MYH4: variants seen among roughly 807,000 people sequenced by gnomAD.
The protein encoded by MYH4 is myosin-4.
In MYH4, 200 loss-of-function variants were observed where a neutral mutation model predicts 229.9. The observed-to-expected ratio is 0.87, with a 90% CI of 0.78 to 0.98. MYH4 has a LOEUF of 0.98. Ranked by LOEUF, MYH4 falls within the 50% of genes least tolerant of loss-of-function variation. MYH4 has a pLI of 0.00. For missense variants in MYH4, 2,148 were observed against 2,332.6 expected (o/e 0.92, Z 1.63); for synonymous variants, 761 against 834.6 (o/e 0.91, Z 1.52).
chr17:10,455,471 T>A, intron 19 of MYH4, 143 bp downstream of exon 19: 1 of 1,325,120 alleles, frequency 7.5e-7, no homozygotes, highest in Non-Finnish European at 1.0e-6. Flanking sequence ...CTTATGATAA[T>A]ATAAACCTAA....
At chr17:10,452,632 T>A in intron 25 of MYH4, 126 bp from the exon 26 acceptor site, 1 of 1,214,536 alleles carries the variant, frequency 8.2e-7, no homozygotes, top group Non-Finnish European at 1.1e-6. Flanking sequence ...TTTTACAGAT[T>A]AATAATTGTA....
chr17:10,446,301 C>T (rs1350885603), intron 35 of MYH4, among the ~76,000 whole-genome samples: 2 of 151,828 alleles, frequency 1.3e-5, no homozygotes, highest in East Asian at 3.8e-4. Flanking sequence ...AATTAGCAGA[C>T]AAGAAACAAA....
chr17:10,446,004 G>T (rs2142208816), intron 35 of MYH4, among the ~76,000 whole-genome samples: 1 of 135,356 alleles, frequency 7.4e-6, no homozygotes, highest in East Asian at 2.7e-4. Context: ...CTCCAGCCTG[G>T]GTGACAGAGT....
At position 10,455,623 on chromosome 17, in the gene MYH4, A is replaced by T. The variant is rs1465750992; in HGVS notation, c.2165T>A (p.Phe722Tyr). The change falls in exon 19 of 40, where the codon TTC (phenylalanine) becomes TAC (tyrosine). Residue 722 changes from phenylalanine (F) to tyrosine (Y), a missense_variant. Transcript: ENST00000255381. The stretch of plus-strand genomic sequence containing the variant: ...ATAATGAGACACAAACCTCTGTTTG[A>T]AGTCTGCATAAAGGATTCTGCTTGG... Reference protein sequence around the residue: ...GFPSRILYADFKQRYKVLNAS... With the variant: ...GFPSRILYADYKQRYKVLNAS... 6.2e-7 allele frequency: 1 copy of T among 1,614,028 alleles called. No individual in the cohort carries two copies. The highest frequency in any genetic ancestry group is 8.5e-7 in the Non-Finnish European group (1 of 1,179,876).
intron 34 of MYH4, 141 bp from the exon 35 acceptor site, chr17:10,447,357 C>A (rs2072523473): frequency 4.4e-6 from 3 of 676,942 alleles, no homozygotes; most frequent in Admixed American, 3.0e-5. Context: ...ATAATAAATT[C>A]TTTGTAGCTG....
intron 17 of MYH4, among the ~76,000 whole-genome samples, 178 bp from the exon 18 acceptor site, chr17:10,456,079 A>T (rs2072635592): frequency 6.6e-6 from 1 of 152,344 alleles, no homozygotes; most frequent in South Asian, 2.1e-4. Flanking sequence ...ATTACACAAA[A>T]TCAGTTAATT....
Position 10,448,489 on chromosome 17 carries a change from T to G in MYH4, c.4563A>C (p.Ala1521=), listed in dbSNP as rs1368813208. Residue 1521 remains alanine, a synonymous_variant, in exon 33 of 40, where the codon GCA becomes GCC. Coordinates refer to ENST00000255381, the MANE Select transcript of MYH4 (RefSeq NM_017533.2). ...GTTCATGGATATGCTTTCCACCCTC[T>G]GCAATTTGCTCTGTCAGGTCAGAAA... is the stretch of plus-strand genomic sequence containing the variant. ...QEISDLTEQI[A]EGGKHIHELE... 1.7e-5 allele frequency: 28 copies of G among 1,613,886 alleles called. No individual in the cohort carries two copies. The highest frequency in any genetic ancestry group is 1.9e-5 in the Non-Finnish European group (22 of 1,179,970).
At chr17:10,458,867 C>T (rs2072670205) in intron 15 of MYH4, among the ~76,000 whole-genome samples, 2 of 152,108 alleles carry the variant, frequency 1.3e-5, no homozygotes, top group African/African-American at 4.8e-5. Context: ...ACATAGCCTG[C>T]CTTGTTACAC....
rs773152715 is a variant in MYH4 at position 10,443,450 on chromosome 17, G to A, written c.5745C>T (p.Asp1915=). 42 of 1,614,138 alleles carry A rather than the reference G, an allele frequency of 2.6e-5. No homozygotes were observed. The highest frequency in any genetic ancestry group is 3.4e-5 in the Non-Finnish European group (40 of 1,179,986). The part of the protein sequence containing the change: ...HELEEAKERA[D]IAESQVNKLR... ...GCTTGTTGACTTGGGACTCAGCAAT[G>A]TCAGCCCGTTCCTTGGCCTCCTCCA... The change falls in exon 40 of 40, where the codon GAC becomes GAT. Residue 1915 remains aspartate, a synonymous_variant. Coordinates refer to ENST00000255381, the MANE Select transcript of MYH4 (RefSeq NM_017533.2). The surrounding 1 kb of genome is among the most constrained non-coding windows in gnomAD (Gnocchi z 4.6).
At chr17:10,455,488 T>C (rs2072628935) in intron 19 of MYH4, 126 bp downstream of exon 19, 4 of 1,394,946 alleles carry the variant, frequency 2.9e-6, no homozygotes, top group Non-Finnish European at 3.9e-6. Flanking sequence ...CTAAGCTTCT[T>C]TCTTTTATGA....
At chr17:10,455,328 T>G in intron 19 of MYH4, 33 bp from the exon 20 acceptor site, 1 of 1,588,260 alleles carries the variant, frequency 6.3e-7, no homozygotes, top group Non-Finnish European at 8.6e-7. Context: ...AAAATGTGGT[T>G]TTTCTTCACT....
intron 15 of MYH4, 130 bp downstream of exon 15, chr17:10,459,121 A>G: frequency 1.4e-6 from 2 of 1,465,784 alleles, no homozygotes; most frequent in Non-Finnish European, 9.3e-7. Flanking sequence ...CATACCTCAC[A>G]ACCAATCAGA....
In MYH4 at chr17:10,465,432, T is replaced by C; in HGVS notation, c.505+10A>G. 9.3e-6 allele frequency: 15 copies of C among 1,613,174 alleles called. No individual in the cohort carries two copies. The highest frequency in any genetic ancestry group is 1.2e-5 in the Non-Finnish European group (14 of 1,179,854). ...TACAAATGGCTATGGAAATTGTAAT[T>C]CTCACTCACCAGTTAGCATGAACTG... On this transcript the variant is annotated intron_variant, in intron 5 of 39. Transcript: ENST00000255381.
chr17:10,454,286 A>G (rs1431107303), intron 22 of MYH4, among the ~76,000 whole-genome samples: 5 of 152,252 alleles, frequency 3.3e-5, no homozygotes, highest in African/African-American at 1.2e-4. Flanking sequence ...CTAAAGAAAG[A>G]ATAATCTGAT....
intron 2 of MYH4, 34 bp from the exon 3 acceptor site, chr17:10,466,818 G>A: frequency 1.3e-6 from 2 of 1,560,850 alleles, no homozygotes; most frequent in Non-Finnish European, 1.8e-6. Context: ...TGATGATTCA[G>A]GGTTGGGGTG....
rs1300839374 is a variant in MYH4, at chr17:10,466,315, C to G, written c.306G>C (p.Val102=). Residue 102 remains valine, a synonymous_variant, in exon 4 of 40, where the codon GTG becomes GTC. Transcript: ENST00000255381. ...AMMTHLHEPA[V]LYNLKERYAA... ...CGTAACGCTCTTTGAGGTTATACAG[C>G]ACAGCAGGCTCATGCAGGTGAGTCA... 2 of 1,614,050 alleles carry G rather than the reference C, an allele frequency of 1.2e-6. No homozygotes were observed. Among genetic ancestry groups the G allele is most frequent in the Non-Finnish European group, 8.5e-7 (1 of 1,180,038 alleles).
intron 6 of MYH4, 28 bp downstream of exon 6, chr17:10,464,653 C>G: frequency 1.2e-6 from 2 of 1,613,630 alleles, no homozygotes; most frequent in Non-Finnish European, 1.7e-6. Flanking sequence ...ATGATCAAAA[C>G]AGAAAGAAAG....
chr17:10,467,698 A>T lies in MYH4; in HGVS notation c.-39-914T>A, dbSNP rs546665353. ...TCTCGTTCTTTCTTCTCCTCTTTTT[A>T]AAAATACCAACCAGTCTTCTAAATA... is the stretch of plus-strand genomic sequence containing the variant. On this transcript the variant is annotated intron_variant, in intron 2 of 39. Transcript: ENST00000255381. 2.6e-5 allele frequency among the ~76,000 whole-genome samples: 4 copies of T among 152,256 alleles called. No individual in the cohort carries two copies. The East Asian group carries it at 7.7e-4, about 29-fold the overall frequency.
At chr17:10,463,716 C>T in intron 7 of MYH4, 73 bp from the exon 8 acceptor site, 3 of 1,149,576 alleles carry the variant, frequency 2.6e-6, no homozygotes, top group South Asian at 1.5e-5. Flanking sequence ...TCTTTCCCTT[C>T]CCCATTGCCC....
Sources: allele counts gnomAD v4.1 joint callset (sites outside exome capture counted in the v4.1 genomes callset), GRCh38; gene constraint gnomAD v4.1.1; non-coding constraint Gnocchi (gnomAD v3.1); transcripts MANE v1.5; gene names NCBI Gene and HGNC (gene_info 2026-07-23, HGNC 2026-07-21).